Variants in NDUFA11 observed in about 807,000 individuals in gnomAD.
NDUFA11 encodes the protein NADH:ubiquinone oxidoreductase subunit A11, also known as NADH dehydrogenase [ubiquinone] 1 alpha subcomplex subunit 11.
NDUFA11 carries 14 observed loss-of-function variants against 11.3 expected under a neutral mutation model. That is an observed-to-expected ratio of 1.24 (90% CI 0.82 to 1.94). The LOEUF is 1.94. Ranked by LOEUF, NDUFA11 falls within the 30% of genes most tolerant of loss-of-function variation. The probability of loss-of-function intolerance (pLI) is 0.00; values close to 1 mark genes in which losing one functional copy is unlikely to be tolerated. For missense variants in NDUFA11, 204 were observed against 200.3 expected, an observed-to-expected ratio of 1.02 and a Z score of -0.11; for synonymous variants, 87 against 85.6, an observed-to-expected ratio of 1.02 and a Z score of -0.09.
chr19:5,900,212 G>A (rs1347621002), intron 1 of NDUFA11, among the ~76,000 whole-genome samples: 4 of 152,132 alleles, frequency 2.6e-5, no homozygotes, highest in African/African-American at 4.8e-5. Context: ...CCTCTGAAGG[G>A]AAACTGCTGG....
downstream of NDUFA11, chr19:5,893,379 C>A (rs2057589400): frequency 3.2e-6 from 2 of 624,398 alleles, no homozygotes; most frequent in African/African-American, 1.8e-5. This position sits in a 1 kb window ranked among gnomAD's most constrained non-coding sequence, Gnocchi z 4.1. Flanking sequence ...ATGAGAGAGT[C>A]GCATAAGCCA....
chr19:5,903,515 G>T, intron 1 of NDUFA11, 97 bp downstream of exon 1: 1 of 1,188,856 alleles, frequency 8.4e-7, no homozygotes, highest in Non-Finnish European at 1.2e-6. Flanking sequence ...GCGTACCCGC[G>T]AGACTCCCAG....
chr19:5,896,782 C>A lies in NDUFA11; in HGVS notation c.190+123G>T. 1 of 1,187,302 alleles carries A rather than the reference C, an allele frequency of 8.4e-7. No individual in the cohort carries two copies. Among genetic ancestry groups the A allele is most frequent in the Non-Finnish European group, 1.3e-6 (1 of 797,706 alleles). The allele number at this position is 1,187,302 out of a possible 1,614,324, so 73.5% of individuals were successfully genotyped here. On this transcript the variant is annotated intron_variant, in intron 2 of 3. Transcript: ENST00000308961. The surrounding 1 kb of genome is among the most constrained non-coding windows in gnomAD (Gnocchi z 5.8). ...TGATAAAGGAACACCCCACTTTCTC[C>A]GGATGGCCAGCACTGTGGACACGGG...
downstream of NDUFA11, chr19:5,892,976 G>A (rs1267002240): frequency 6.6e-7 from 1 of 1,512,398 alleles, no homozygotes; most frequent in South Asian, 1.2e-5. Context: ...GCTTGGACAG[G>A]TGTCAGGGCC....
In NDUFA11 at chr19:5,896,654, G is replaced by T; in HGVS notation, c.191-79C>A. 5.8e-6 allele frequency: 9 copies of T among 1,541,770 alleles called. No homozygotes were observed. The highest frequency in any genetic ancestry group is 7.9e-6 in the Non-Finnish European group (9 of 1,140,280). On this transcript the variant is annotated intron_variant, in intron 2 of 3. Coordinates refer to ENST00000308961, the MANE Select transcript of NDUFA11 (RefSeq NM_175614.5). This position sits in a 1 kb window ranked among gnomAD's most constrained non-coding sequence, Gnocchi z 5.8. Reference sequence around the variant, plus strand: ...CTTGGGCGCTCACTGCCAGTGTCTGGATGGAGAGAGATGCCACGAGTCGGC... The same window carrying T: ...CTTGGGCGCTCACTGCCAGTGTCTGTATGGAGAGAGATGCCACGAGTCGGC...
At chr19:5,901,284 C>A (rs542482331) in intron 1 of NDUFA11, 8 of 1,260,240 alleles carry the variant, frequency 6.3e-6, no homozygotes, top group Non-Finnish European at 8.2e-6. Flanking sequence ...CAGATCCTAT[C>A]CCCTGGGTGG....
At chr19:5,898,878 T>TA (rs34771049) in intron 1 of NDUFA11, among the ~76,000 whole-genome samples, 15,025 of 82,540 alleles carry the variant, frequency 0.18, 873 homozygotes, top group Middle Eastern at 0.27. Flanking sequence ...CGTCTCAAAA[T>TA]AAAAAAAAAA....
intron 1 of NDUFA11, among the ~76,000 whole-genome samples, chr19:5,897,833 C>A (rs948432271): frequency 4.6e-5 from 7 of 152,218 alleles, no homozygotes; most frequent in Non-Finnish European, 8.8e-5. Context: ...TGAGGCTGGG[C>A]AGTCCCTTGG....
intron 3 of NDUFA11, chr19:5,895,954 A>G: frequency 5.0e-6 from 1 of 198,976 alleles, no homozygotes; most frequent in Non-Finnish European, 1.0e-5. Flanking sequence ...GCAGGGAGAG[A>G]GATGGCAGGG....
downstream of NDUFA11, chr19:5,892,903 G>C: frequency 6.3e-6 from 9 of 1,436,642 alleles, no homozygotes; most frequent in Non-Finnish European, 7.3e-6. Context: ...TCTGAGGACA[G>C]AACAAGGAAA....
At chr19:5,899,585 G>C (rs966303619) in intron 1 of NDUFA11, among the ~76,000 whole-genome samples, 3 of 150,498 alleles carry the variant, frequency 2.0e-5, no homozygotes, top group Non-Finnish European at 4.4e-5. Context: ...TGAGTAGCTG[G>C]GATTACAGGC....
downstream of NDUFA11, chr19:5,893,058 C>T: frequency 6.5e-6 from 10 of 1,535,984 alleles, no homozygotes; most frequent in East Asian, 2.4e-5. This position sits in a 1 kb window ranked among gnomAD's most constrained non-coding sequence, Gnocchi z 4.1. Flanking sequence ...CACCCAGCTC[C>T]GGAAGTGGAC....
intron 1 of NDUFA11, among the ~76,000 whole-genome samples, chr19:5,902,099 C>T (rs1455660546): frequency 2.0e-5 from 3 of 151,274 alleles, no homozygotes; most frequent in Non-Finnish European, 2.9e-5. Context: ...CCTCAGCCTC[C>T]CAAGTAGCTG....
At chr19:5,892,123 G>C (rs970534313), downstream of NDUFA11, 1 of 152,456 alleles carries the variant, frequency 6.6e-6, no homozygotes, top group Non-Finnish European at 1.5e-5. Flanking sequence ...AGGTGGGGGC[G>C]CCTGGCAGGC....
At chr19:5,895,183 T>C in intron 3 of NDUFA11, 1 of 362,020 alleles carries the variant, frequency 2.8e-6, no homozygotes, top group South Asian at 3.2e-5. Context: ...TGGTGACACA[T>C]CGGTGTGTCT....
At chr19:5,901,741 C>T (rs1355419998) in intron 1 of NDUFA11, among the ~76,000 whole-genome samples, 2 of 151,614 alleles carry the variant, frequency 1.3e-5, no homozygotes, top group East Asian at 3.9e-4. Flanking sequence ...GCAATCTCGG[C>T]TCACTGCAAG....
chr19:5,899,899 C>G (rs1006699711), intron 1 of NDUFA11: 1 of 152,210 alleles, frequency 6.6e-6, no homozygotes, highest in Non-Finnish European at 1.5e-5. Context: ...GACTCAGTGA[C>G]GCCCCCAGAA....
At chr19:5,899,884 G>C (rs563873621) in intron 1 of NDUFA11, 3 of 152,186 alleles carry the variant, frequency 2.0e-5, no homozygotes, top group African/African-American at 7.2e-5. Flanking sequence ...GGGAACCACC[G>C]ACAAGACTCA....
rs569365525 is a variant in NDUFA11, at chr19:5,896,636, G to A, written c.191-61C>T. 7.7e-5 allele frequency: 120 copies of A among 1,550,880 alleles called. No individual in the cohort carries two copies. The highest frequency in any genetic ancestry group is 6.6e-4 in the African/African-American group (48 of 73,180). Reference sequence around the variant, plus strand: ...CGGGCACAGCAGGAGCCTCTTGGGCGCTCACTGCCAGTGTCTGGATGGAGA... The same window carrying A: ...CGGGCACAGCAGGAGCCTCTTGGGCACTCACTGCCAGTGTCTGGATGGAGA... On this transcript the variant is annotated intron_variant, in intron 2 of 3. Transcript: ENST00000308961. The surrounding 1 kb of genome is among the most constrained non-coding windows in gnomAD (Gnocchi z 5.8).
Sources: allele counts gnomAD v4.1 joint callset (sites outside exome capture counted in the v4.1 genomes callset), GRCh38; gene constraint gnomAD v4.1.1; non-coding constraint Gnocchi (gnomAD v3.1); transcripts MANE v1.5; gene names NCBI Gene and HGNC (gene_info 2026-07-23, HGNC 2026-07-21).